The following NELL1 variants were observed in gnomAD, a reference collection of about 807,000 sequenced individuals.
NELL1 encodes neural EGFL like 1.
A neutral mutation model predicts 107.4 loss-of-function variants in NELL1; 76 were observed. The observed-to-expected ratio is 0.71, with a 90% CI of 0.59 to 0.86. NELL1 has a LOEUF of 0.86. NELL1 is among the 40% of genes least tolerant of loss of function. The pLI, the probability that NELL1 is intolerant of heterozygous loss-of-function variation, is 0.00. For missense variants in NELL1, 1,024 were observed against 1,005.5 expected (o/e 1.02, Z -0.25); for synonymous variants, 353 against 341.2 (o/e 1.03, Z -0.38).
At chr11:21,013,819 G>A (rs150073060) in intron 12 of NELL1, among the ~76,000 whole-genome samples, 204 of 151,988 alleles carry the variant, frequency 1.3e-3, no homozygotes, top group African/African-American at 1.9e-3. Context: ...TATCCCATTC[G>A]GGCTACCACT....
At chr11:21,353,484 A>G (rs1030145997) in intron 14 of NELL1, among the ~76,000 whole-genome samples, 3 of 152,186 alleles carry the variant, frequency 2.0e-5, no homozygotes, top group Admixed American at 6.5e-5. Context: ...TGCTGCCTAT[A>G]AATTAGAAAT....
Position 21,169,707 on chromosome 11 carries a change from G to A in NELL1, c.1426+55993G>A, listed in dbSNP as rs112759375. 109 of 671,842 alleles carry A rather than the reference G, an allele frequency of 1.6e-4. 3 individuals carry two copies. The African/African-American group carries it at 1.7e-3, about 10-fold the overall frequency. 41.6% of individuals were successfully genotyped at this position (671,842 alleles called of 1,614,324 possible). ...ATGGGACTGTAAATCATAATTCCTT[G>A]GTCATCTTTTGGCACAGAAGTAGTC... On this transcript the variant is annotated intron_variant, in intron 13 of 19. Coordinates refer to ENST00000357134, the MANE Select transcript of NELL1 (RefSeq NM_006157.5).
intron 13 of NELL1, among the ~76,000 whole-genome samples, chr11:21,156,629 A>G (rs1234982996): frequency 2.0e-5 from 3 of 152,170 alleles, no homozygotes; most frequent in Non-Finnish European, 4.4e-5. Flanking sequence ...AGTACCCAGC[A>G]GGTGATTATG....
At chr11:21,369,351 T>C (rs979692709) in intron 14 of NELL1, among the ~76,000 whole-genome samples, 9 of 146,464 alleles carry the variant, frequency 6.1e-5, no homozygotes, top group African/African-American at 1.2e-4. Context: ...GAACTTACCA[T>C]GGTAGGTACT....
In NELL1 at chr11:21,331,035, T is replaced by G. The variant is rs141212320; in HGVS notation, c.1550-39818T>G. On this transcript the variant is annotated intron_variant, in intron 14 of 19. Transcript: ENST00000357134. ...CATTTTTCATTTCAGTTATATTAGT[T>G]TCCTACTGCAGAATTTCCATTAGAT... Among the ~76,000 whole-genome samples, 367 of 152,240 alleles carry G rather than the reference T, an allele frequency of 2.4e-3. 5 individuals are homozygous for G. Among genetic ancestry groups the G allele is most frequent in the African/African-American group, 8.3e-3 (346 of 41,578 alleles).
intron 15 of NELL1, among the ~76,000 whole-genome samples, chr11:21,400,548 G>A (rs753210592): frequency 1.3e-5 from 2 of 151,650 alleles, no homozygotes; most frequent in African/African-American, 2.4e-5. Flanking sequence ...GTATATTCAC[G>A]TTCTCCTACC....
chr11:21,077,863 G>T (rs184625728), intron 12 of NELL1, among the ~76,000 whole-genome samples: 1 of 152,156 alleles, frequency 6.6e-6, no homozygotes, highest in East Asian at 1.9e-4. Context: ...AAAGCAGAGG[G>T]AAAGAAAGAC....
At chr11:21,282,380 T>G (rs531077855) in intron 14 of NELL1, among the ~76,000 whole-genome samples, 41 of 150,110 alleles carry the variant, frequency 2.7e-4, no homozygotes, top group African/African-American at 9.1e-4. Context: ...GCGTTTAGGC[T>G]GAGGCACGGG....
chr11:21,145,289 A>G (rs1423102416), intron 13 of NELL1, among the ~76,000 whole-genome samples: 1 of 152,216 alleles, frequency 6.6e-6, no homozygotes, highest in Non-Finnish European at 1.5e-5. Context: ...TATCCAACTT[A>G]TAAGTGGTAG....
chr11:20,881,409 G>A (rs1849404513), intron 4 of NELL1, among the ~76,000 whole-genome samples: 2 of 152,114 alleles, frequency 1.3e-5, no homozygotes, highest in African/African-American at 4.8e-5. Flanking sequence ...AGGGCAAGGT[G>A]GTCAATAGTA....
At chr11:20,954,541 C>A (rs918707075) in intron 11 of NELL1, among the ~76,000 whole-genome samples, 1 of 152,152 alleles carries the variant, frequency 6.6e-6, no homozygotes, top group Admixed American at 6.5e-5. Flanking sequence ...TCCCTGCGGG[C>A]AGAGAATATC....
At chr11:20,963,322 G>A (rs1049179682) in intron 12 of NELL1, among the ~76,000 whole-genome samples, 1 of 151,982 alleles carries the variant, frequency 6.6e-6, no homozygotes, top group South Asian at 2.1e-4. Context: ...TCAGACCCAG[G>A]TTACACCACT....
At chr11:21,139,513 A>G (rs1855820449) in intron 13 of NELL1, among the ~76,000 whole-genome samples, 1 of 152,022 alleles carries the variant, frequency 6.6e-6, no homozygotes, top group Non-Finnish European at 1.5e-5. Context: ...ATCACTATCC[A>G]CCACATTACA....
At chr11:21,115,936 C>T (rs951801944) in intron 13 of NELL1, among the ~76,000 whole-genome samples, 5 of 151,744 alleles carry the variant, frequency 3.3e-5, no homozygotes, top group African/African-American at 4.8e-5. Context: ...TTTAAAAAGC[C>T]TTCCTTTGAT....
At chr11:20,800,048 C>T (rs1256971558) in intron 3 of NELL1, among the ~76,000 whole-genome samples, 1 of 152,182 alleles carries the variant, frequency 6.6e-6, no homozygotes, top group Non-Finnish European at 1.5e-5. Flanking sequence ...TTGTTCTTTT[C>T]AATGGCTGCG....
At chr11:20,699,946 A>G (rs1590215153) in intron 2 of NELL1, among the ~76,000 whole-genome samples, 1 of 152,200 alleles carries the variant, frequency 6.6e-6, no homozygotes, top group Admixed American at 6.6e-5. Flanking sequence ...AACACCTATA[A>G]TTTTTTAGTT....
At chr11:21,535,326 C>T (rs1856107026) in intron 16 of NELL1, among the ~76,000 whole-genome samples, 1 of 152,156 alleles carries the variant, frequency 6.6e-6, no homozygotes, top group Non-Finnish European at 1.5e-5. Context: ...TTTGGACCAA[C>T]CTAGGGGCCA....
At chr11:20,983,616 G>A (rs1851792780) in intron 12 of NELL1, among the ~76,000 whole-genome samples, 1 of 152,134 alleles carries the variant, frequency 6.6e-6, no homozygotes. Flanking sequence ...AGACTCACTT[G>A]TTTTTATCTA....
chr11:21,004,482 T>C (rs1415304303), intron 12 of NELL1, among the ~76,000 whole-genome samples: 3 of 152,170 alleles, frequency 2.0e-5, no homozygotes, highest in African/African-American at 7.2e-5. Context: ...AGAGAAGCCA[T>C]ATTTAATGTT....
Sources: allele counts gnomAD v4.1 joint callset (sites outside exome capture counted in the v4.1 genomes callset), GRCh38; gene constraint gnomAD v4.1.1; transcripts MANE v1.5; gene names NCBI Gene and HGNC (gene_info 2026-07-23, HGNC 2026-07-21).